Variants in TARBP2 observed in about 807,000 individuals in gnomAD.
The protein encoded by TARBP2 is RISC-loading complex subunit TARBP2.
Under a neutral mutation model 40.4 loss-of-function variants are expected in TARBP2, and 23 were observed. The observed-to-expected ratio is 0.57, with a 90% CI of 0.41 to 0.81. TARBP2 has a LOEUF of 0.81. Among genes scored for constraint, TARBP2 ranks in the 30% least tolerant of loss-of-function variants. The pLI is 0.00. For synonymous variants in TARBP2, 183 were observed against 190.5 expected (o/e 0.96, Z 0.32); for missense variants, 358 against 473.7 (o/e 0.76, Z 2.27).
At chr12:53,502,766 A>G in intron 2 of TARBP2, 2 of 337,890 alleles carry the variant, frequency 5.9e-6, no homozygotes, top group Non-Finnish European at 1.1e-5. Context: ...AAAGGAAATT[A>G]AAGCATTTGC....
Position 53,505,184 on chromosome 12 carries a change from G to A in TARBP2, c.663G>A (p.Met221Ile). ...KLAKRNAAAK[M>I]LLRVHTVPLD... ...CAAAGCGGAATGCGGCGGCCAAAAT[G>A]CTGCTTCGAGTGCACACGGTGCCTC... The change falls in exon 7 of 9, where the codon ATG (methionine) becomes ATA (isoleucine). Residue 221 changes from methionine to isoleucine, a missense_variant. Met to Ile is a conservative substitution (Grantham distance 10, BLOSUM62 1). Transcript: ENST00000266987. This position sits in a 1 kb window ranked among gnomAD's most constrained non-coding sequence, Gnocchi z 4.5. 6.2e-7 allele frequency: 1 copy of A among 1,611,898 alleles called. No homozygotes were observed. The highest frequency in any genetic ancestry group is 8.5e-7 in the Non-Finnish European group (1 of 1,178,150).
At chr12:53,501,042 G>A (rs1943677521), upstream of TARBP2, 1 of 272,408 alleles carries the variant, frequency 3.7e-6, no homozygotes, top group Non-Finnish European at 7.2e-6. Context: ...CTTCCCCTCC[G>A]CTAGTACGCA....
upstream of TARBP2, chr12:53,500,998 C>T: frequency 4.8e-6 from 1 of 206,846 alleles, no homozygotes; most frequent in Non-Finnish European, 1.0e-5. Flanking sequence ...GGCTCCGTGC[C>T]CAAGTGAGTC....
chr12:53,503,861 T>C (rs1423885681), intron 4 of TARBP2, 53 bp downstream of exon 4: 1 of 1,454,204 alleles, frequency 6.9e-7, no homozygotes, highest in Non-Finnish European at 9.7e-7. Context: ...GTTCTGGTTT[T>C]TGGTCCCTCA....
rs1188425616 is a variant in TARBP2 at position 53,505,111 on chromosome 12, C to T, written c.614-24C>T. On this transcript the variant is annotated intron_variant, in intron 6 of 8. Coordinates refer to ENST00000266987, the MANE Select transcript of TARBP2 (RefSeq NM_134323.2). The surrounding 1 kb of genome is among the most constrained non-coding windows in gnomAD (Gnocchi z 4.5). ...ACTGGGTCTGTGGGGAATCATAACC[C>T]AGCAGCCCTCTCTCCACATGCAGGG... 3 of 1,586,782 alleles carry T rather than the reference C, an allele frequency of 1.9e-6. No homozygotes were observed. Among genetic ancestry groups the T allele is most frequent in the African/African-American group, 1.3e-5 (1 of 74,572 alleles).
At position 53,502,193 on chromosome 12, in the gene TARBP2, G is replaced by A; in HGVS notation, c.223+9G>A. The stretch of plus-strand genomic sequence containing the variant: ...CGACACCAGCTGCACTGGTGAGGAA[G>A]GCTTGGGCAGCCTGGCTGGGGTGTG... On this transcript the variant is annotated intron_variant, in intron 2 of 8. Coordinates refer to ENST00000266987, the MANE Select transcript of TARBP2 (RefSeq NM_134323.2). 6.2e-7 allele frequency: 1 copy of A among 1,614,100 alleles called. No individual in the cohort carries two copies. Among genetic ancestry groups the A allele is most frequent in the South Asian group, 1.1e-5 (1 of 91,068 alleles).
At chr12:53,502,890 C>G in intron 2 of TARBP2, 137 bp from the exon 3 acceptor site, 1 of 787,218 alleles carries the variant, frequency 1.3e-6, no homozygotes, top group Non-Finnish European at 1.9e-6. Flanking sequence ...TGAAACACTT[C>G]CAGTCTTCAG....
intron 4 of TARBP2, chr12:53,504,155 A>C (rs530911622): frequency 3.5e-6 from 2 of 566,860 alleles, no homozygotes; most frequent in East Asian, 2.9e-5. Context: ...GGCTTAGATG[A>C]TACCCAAGTG....
chr12:53,504,853 CGCAGCACTCTGGCCCCAGCCACAAA>C, intron 6 of TARBP2, 38 bp downstream of exon 6: 1 of 1,607,054 alleles, frequency 6.2e-7, no homozygotes, highest in Non-Finnish European at 8.5e-7. Context: ...ACTCCTCTCC[CGCAGCACTCTGGCCCCAGCCACAAA>C]GCAGCTCCTG....
At chr12:53,504,041 C>CTTGCA in intron 4 of TARBP2, 1 of 590,202 alleles carries the variant, frequency 1.7e-6, no homozygotes, top group East Asian at 2.8e-5. Context: ...GTTTAAGGGT[C>CTTGCA]TTGCAGGCCC....
At chr12:53,501,165 C>G (rs1943682961), upstream of TARBP2, 1 of 558,090 alleles carries the variant, frequency 1.8e-6, no homozygotes, top group South Asian at 2.2e-5. Flanking sequence ...GGGCCCGCTC[C>G]TCCCAGAAGG....
At position 53,505,869 on chromosome 12, in the gene TARBP2, C is replaced by A; in HGVS notation, c.943+19C>A. The stretch of plus-strand genomic sequence containing the variant: ...GATATTGGTATGGCTAGCTGGGGAG[C>A]GAGCCAGGGGATGGTGGGGGCTGGA... On this transcript the variant is annotated intron_variant, in intron 8 of 8. Transcript: ENST00000266987. This position sits in a 1 kb window ranked among gnomAD's most constrained non-coding sequence, Gnocchi z 4.5. 6.2e-7 allele frequency: 1 copy of A among 1,611,026 alleles called. No individual in the cohort carries two copies. The highest frequency in any genetic ancestry group is 8.5e-7 in the Non-Finnish European group (1 of 1,177,650).
intron 2 of TARBP2, 139 bp downstream of exon 2, chr12:53,502,323 C>T (rs934214658): frequency 8.4e-6 from 10 of 1,195,704 alleles, no homozygotes; most frequent in Middle Eastern, 2.1e-4. Context: ...AAGCTACTGA[C>T]TGGATTGGGA....
Position 53,504,008 on chromosome 12 carries a change from C to A in TARBP2, c.422+200C>A, listed in dbSNP as rs114412985. The A allele has an allele frequency of 2.0e-3, 1,212 of 604,734 alleles. 7 individuals carry two copies. In the African/African-American group the frequency reaches 0.02, roughly 10 times the overall value. The allele number at this position is 604,734 out of a possible 1,614,324, so 37.5% of individuals were successfully genotyped here. ...GAGGTCATTTGTGATTTTCAGACAG[C>A]CTTATGAATGATGTCCGACCATGTT... On this transcript the variant is annotated intron_variant, in intron 4 of 8. Transcript: ENST00000266987.
At chr12:53,502,992 G>A (rs1305156693) in intron 2 of TARBP2, 35 bp from the exon 3 acceptor site, 2 of 1,526,950 alleles carry the variant, frequency 1.3e-6, no homozygotes, top group Admixed American at 2.1e-5. Context: ...CGTCCTTTCA[G>A]TGACCTCCAG....
chr12:53,501,758 A>C (rs1943721285), intron 1 of TARBP2: 1 of 1,405,902 alleles, frequency 7.1e-7, no homozygotes, highest in African/African-American at 1.4e-5. Context: ...ATGCACTTTC[A>C]ACCTGCATTG....
At chr12:53,504,988 G>A in intron 6 of TARBP2, 147 bp from the exon 7 acceptor site, 1 of 1,458,116 alleles carries the variant, frequency 6.9e-7, no homozygotes, top group African/African-American at 1.4e-5. Context: ...CTTCTCTCTG[G>A]CTGACCAGGT....
chr12:53,501,205 C>T, upstream of TARBP2: 1 of 598,052 alleles, frequency 1.7e-6, no homozygotes, highest in South Asian at 2.1e-5. Context: ...GAGCCACGCA[C>T]GCAGAGGGTT....
rs749578666 is a variant in TARBP2, at chr12:53,505,260, A to G, written c.739A>G (p.Ile247Val). 2 of 1,590,778 alleles carry G rather than the reference A, an allele frequency of 1.3e-6. No individual in the cohort carries two copies. The highest frequency in any genetic ancestry group is 1.1e-5 in the South Asian group (1 of 89,974). ...EVEPDDDHFS[I>V]GVGSRLDGLR... ...GGAGCCTGATGATGACCACTTCTCC[A>G]TTGTGAGTGGCTCATGTGGGCCGGG... Residue 247 changes from isoleucine (I) to valine (V), a missense_variant and splice_region_variant, in exon 7 of 9, where the codon ATT becomes GTT. Transcript: ENST00000266987. The surrounding 1 kb of genome is among the most constrained non-coding windows in gnomAD (Gnocchi z 4.5).
Sources: allele counts gnomAD v4.1 joint callset, GRCh38; gene constraint gnomAD v4.1.1; non-coding constraint Gnocchi (gnomAD v3.1); transcripts MANE v1.5; gene names NCBI Gene and HGNC (gene_info 2026-07-23, HGNC 2026-07-21).